The following FLI1 variants were observed in gnomAD, a reference collection of about 807,000 sequenced individuals.
FLI1 encodes the protein Fli-1 proto-oncogene, ETS transcription factor.
Under a neutral mutation model 53.1 loss-of-function variants are expected in FLI1, and 13 were observed. The observed-to-expected ratio is 0.24, with a 90% CI of 0.16 to 0.39. FLI1 has a LOEUF of 0.39. FLI1 is among the 10% of genes least tolerant of loss of function. The probability of loss-of-function intolerance (pLI) is 1.00; values close to 1 mark genes in which losing one functional copy is unlikely to be tolerated. For missense variants in FLI1, 424 were observed against 600.5 expected (o/e 0.71, Z 3.07); for synonymous variants, 244 against 236.7 (o/e 1.03, Z -0.28).
At chr11:128,731,657 G>C (rs1939705491) in intron 1 of FLI1, among the ~76,000 whole-genome samples, 1 of 152,204 alleles carries the variant, frequency 6.6e-6, no homozygotes, top group Admixed American at 6.5e-5. Flanking sequence ...CATCATGCTA[G>C]AAACGGTCAT....
intron 1 of FLI1, among the ~76,000 whole-genome samples, chr11:128,736,895 G>T (rs1939935864): frequency 1.3e-5 from 2 of 152,130 alleles, no homozygotes; most frequent in Non-Finnish European, 2.9e-5. Flanking sequence ...TTGTCACTGA[G>T]GGCAGAGCCT....
intron 1 of FLI1, chr11:128,748,193 A>G: frequency 1.2e-6 from 1 of 844,876 alleles, no homozygotes. Context: ...ACACCATTAA[A>G]TAAAGTACTT....
At chr11:128,710,524 C>T (rs1281939947) in intron 1 of FLI1, among the ~76,000 whole-genome samples, 2 of 152,046 alleles carry the variant, frequency 1.3e-5, no homozygotes, top group Admixed American at 6.5e-5. Flanking sequence ...CCACCAAGAC[C>T]GAGATGCTGT....
At chr11:128,688,394 G>A (rs1937619028) in intron 1 of FLI1, among the ~76,000 whole-genome samples, 2 of 152,254 alleles carry the variant, frequency 1.3e-5, no homozygotes, top group Admixed American at 6.5e-5. Context: ...TTGCACAAAG[G>A]GGTGCATTGA....
At chr11:128,717,981 G>C (rs1026050385) in intron 1 of FLI1, among the ~76,000 whole-genome samples, 2 of 152,210 alleles carry the variant, frequency 1.3e-5, no homozygotes, top group African/African-American at 4.8e-5. Context: ...GTGTTGCTGG[G>C]GATGTTGTGT....
At chr11:128,795,738 G>A (rs1377087320) in intron 5 of FLI1, among the ~76,000 whole-genome samples, 1 of 152,064 alleles carries the variant, frequency 6.6e-6, no homozygotes, top group Non-Finnish European at 1.5e-5. Flanking sequence ...TTTTAGTAGA[G>A]ACATGGTTTC....
chr11:128,724,230 CCACCGT>C lies in FLI1; in HGVS notation c.18+29955_18+29960del, dbSNP rs1939375133. On this transcript the variant is annotated intron_variant, in intron 1 of 8. Coordinates refer to ENST00000527786, the MANE Select transcript of FLI1 (RefSeq NM_002017.5). The stretch of plus-strand genomic sequence containing the variant: ...AAAGTGCTGGGATTACAGGCATGAG[CCACCGT>C]GCCTGGCCTGGAGTTGATTTTGAAC... Among the ~76,000 whole-genome samples, 2 of 152,146 alleles carry C rather than the reference CCACCGT, an allele frequency of 1.3e-5. 1 individual carries two copies. The highest frequency in any genetic ancestry group is 4.1e-4 in the South Asian group (2 of 4,828).
chr11:128,711,142 T>C (rs541610670), intron 1 of FLI1, among the ~76,000 whole-genome samples: 100 of 152,348 alleles, frequency 6.6e-4, no homozygotes, highest in African/African-American at 2.4e-3. Flanking sequence ...TAAAATTGTG[T>C]TCTTTTTTCA....
At chr11:128,685,522 C>T (rs949521673), upstream of FLI1, among the ~76,000 whole-genome samples, 10 of 151,546 alleles carry the variant, frequency 6.6e-5, no homozygotes, top group African/African-American at 9.7e-5. Context: ...CTTCTTTCCT[C>T]TCTGTTTTCT....
At chr11:128,805,025 A>C (rs1942739217) in intron 5 of FLI1, 1 of 220,450 alleles carries the variant, frequency 4.5e-6, no homozygotes, top group African/African-American at 2.3e-5. Flanking sequence ...ATAAAACATA[A>C]ATTTTTATTT....
chr11:128,794,569 T>C (rs1172222410), intron 5 of FLI1, among the ~76,000 whole-genome samples: 1 of 152,250 alleles, frequency 6.6e-6, no homozygotes, highest in Non-Finnish European at 1.5e-5. Context: ...TCATTTGTTA[T>C]TTTAATATAA....
At chr11:128,785,220 A>C (rs553184650) in intron 5 of FLI1, among the ~76,000 whole-genome samples, 1 of 152,326 alleles carries the variant, frequency 6.6e-6, no homozygotes, top group East Asian at 1.9e-4. Flanking sequence ...AGGCACTTAA[A>C]AAAATAAACT....
exon 1 of FLI1, chr11:128,686,574 A>G (rs1565447098): frequency 2.3e-6 from 1 of 428,498 alleles, no homozygotes. Context: ...TCACCATCCC[A>G]CCGTCTCTCC....
chr11:128,719,379 G>A (rs1305317897), intron 1 of FLI1, among the ~76,000 whole-genome samples: 1 of 150,736 alleles, frequency 6.6e-6, no homozygotes, highest in Non-Finnish European at 1.5e-5. Flanking sequence ...GTGTGTGTGT[G>A]TGTGTGTGTG....
chr11:128,759,846 CTGAA>C (rs1045479470), intron 2 of FLI1, among the ~76,000 whole-genome samples: 6 of 152,132 alleles, frequency 3.9e-5, no homozygotes, highest in African/African-American at 1.4e-4. Flanking sequence ...TCTAAGGAGT[CTGAA>C]CTGTGAAAGT....
intron 3 of FLI1, among the ~76,000 whole-genome samples, chr11:128,772,525 C>T (rs957723798): frequency 2.2e-4 from 33 of 152,202 alleles, no homozygotes; most frequent in African/African-American, 7.7e-4. Context: ...TCCAACTGCT[C>T]TCCAAAACTT....
intron 1 of FLI1, among the ~76,000 whole-genome samples, chr11:128,704,063 C>A (rs895163389): frequency 5.3e-5 from 8 of 152,106 alleles, no homozygotes; most frequent in African/African-American, 1.7e-4. Context: ...TTAGGCAAGT[C>A]ACTTCACTTC....
At position 128,804,495 on chromosome 11, in the gene FLI1, T is replaced by C. The variant is rs532436972; in HGVS notation, c.656-871T>C. 3 of 152,324 alleles carry C rather than the reference T, an allele frequency of 2.0e-5. No individual in the cohort carries two copies. In the South Asian group the frequency reaches 6.2e-4, roughly 32 times the overall value. The allele number at this position is 152,324 out of a possible 1,614,324, so 9.4% of individuals were successfully genotyped here. ...CATTTATGGAAGCATGTGGAATCTT[T>C]CAAGAAAGGGGTTACGATCACAAAA... On this transcript the variant is annotated intron_variant, in intron 5 of 8. Transcript: ENST00000527786.
chr11:128,783,693 C>T (rs1461747887), intron 5 of FLI1, among the ~76,000 whole-genome samples: 2 of 152,132 alleles, frequency 1.3e-5, no homozygotes, highest in Non-Finnish European at 2.9e-5. Flanking sequence ...CACTTCAGGC[C>T]CTGAACCTCA....
Sources: allele counts gnomAD v4.1 joint callset (sites outside exome capture counted in the v4.1 genomes callset), GRCh38; gene constraint gnomAD v4.1.1; transcripts MANE v1.5; gene names NCBI Gene and HGNC (gene_info 2026-07-23, HGNC 2026-07-21).